The following MCMDC2 variants were observed in gnomAD, a reference collection of about 807,000 sequenced individuals.
The protein encoded by MCMDC2 is minichromosome maintenance domain-containing protein 2.
In MCMDC2, 54 loss-of-function variants were observed where a neutral mutation model predicts 75.8. The ratio of observed to expected loss-of-function variants is 0.71; its 90% CI spans 0.57 to 0.89. The LOEUF (loss-of-function observed/expected upper bound fraction) is 0.89, where lower values mean the gene tolerates loss of function less well. MCMDC2 is among the 40% of genes least tolerant of loss of function. The pLI is 0.00. For synonymous variants in MCMDC2, 249 were observed against 274.6 expected (o/e 0.91, Z 0.92); for missense variants, 656 against 780.4 (o/e 0.84, Z 1.90).
Position 66,919,498 on chromosome 8 carries a change from T to C in MCMDC2, c.*329T>C, listed in dbSNP as rs749684382. ...CAGATAAAAATGTAAATGTTGCAAT[T>C]TGAGCAGTGTGTAAAATGGCAACCT... is the stretch of plus-strand genomic sequence containing the variant. On this transcript the variant is annotated 3_prime_UTR_variant, in exon 15 of 15. Coordinates refer to ENST00000422365, the MANE Select transcript of MCMDC2 (RefSeq NM_173518.5). The C allele has an allele frequency of 2.4e-5, 4 of 166,180 alleles. No homozygotes were observed. The highest frequency in any genetic ancestry group is 5.2e-5 in the Non-Finnish European group (4 of 77,506). 10.3% of individuals were successfully genotyped at this position (166,180 alleles called of 1,614,324 possible).
chr8:66,872,793 A>C (rs1369048324), intron 1 of MCMDC2, among the ~76,000 whole-genome samples: 5 of 152,034 alleles, frequency 3.3e-5, no homozygotes, highest in Admixed American at 6.6e-5. Flanking sequence ...CTCCGTCTCT[A>C]CTAAAAATAC....
chr8:66,884,637 T>A (rs1227262484), intron 9 of MCMDC2: 1 of 152,026 alleles, frequency 6.6e-6, no homozygotes, highest in African/African-American at 2.4e-5. Context: ...ATTGAACAGA[T>A]TATGTTTTGC....
At chr8:66,902,141 C>T (rs1016243088) in intron 13 of MCMDC2, among the ~76,000 whole-genome samples, 2 of 151,760 alleles carry the variant, frequency 1.3e-5, no homozygotes, top group Non-Finnish European at 2.9e-5. Flanking sequence ...ACAGCCTGGG[C>T]AACATAGTGA....
At chr8:66,915,647 A>G (rs1178790259) in intron 14 of MCMDC2, among the ~76,000 whole-genome samples, 1 of 151,590 alleles carries the variant, frequency 6.6e-6, no homozygotes, top group Non-Finnish European at 1.5e-5. Context: ...CTACGGATAT[A>G]TCAATAGAGA....
intron 5 of MCMDC2, among the ~76,000 whole-genome samples, chr8:66,877,768 G>T (rs1379803964): frequency 6.6e-6 from 1 of 151,392 alleles, no homozygotes. Context: ...AAGACACTGA[G>T]TTGGGAGGAT....
chr8:66,882,265 A>T (rs1465551908), intron 8 of MCMDC2, among the ~76,000 whole-genome samples: 1 of 152,256 alleles, frequency 6.6e-6, no homozygotes, highest in Non-Finnish European at 1.5e-5. Context: ...GTGCTCTTGC[A>T]TGAGGAACAA....
intron 4 of MCMDC2, 62 bp downstream of exon 4, chr8:66,874,648 AT>A (rs1811190830): frequency 7.4e-7 from 1 of 1,357,036 alleles, no homozygotes; most frequent in Non-Finnish European, 1.0e-6. Flanking sequence ...TTGTAAAAAA[AT>A]ATTTTTATAT....
chr8:66,875,017 G>A (rs1811211644), intron 4 of MCMDC2, among the ~76,000 whole-genome samples: 1 of 152,128 alleles, frequency 6.6e-6, no homozygotes, highest in Non-Finnish European at 1.5e-5. Flanking sequence ...GCACCCTGAA[G>A]TGCTGGGATT....
chr8:66,881,985 A>G (rs1367966320), intron 8 of MCMDC2, among the ~76,000 whole-genome samples: 1 of 152,236 alleles, frequency 6.6e-6, no homozygotes, highest in Non-Finnish European at 1.5e-5. Flanking sequence ...CCCCAAATGC[A>G]GAAGAACCTG....
At chr8:66,918,882 C>T (rs975978665) in intron 14 of MCMDC2, 121 bp from the exon 15 acceptor site, 78 of 835,880 alleles carry the variant, frequency 9.3e-5, no homozygotes, top group Non-Finnish European at 1.3e-4. Context: ...TTTCACAGAA[C>T]CACATGGGCT....
At chr8:66,890,351 C>T (rs1812044076) in intron 9 of MCMDC2, among the ~76,000 whole-genome samples, 1 of 151,588 alleles carries the variant, frequency 6.6e-6, no homozygotes, top group Non-Finnish European at 1.5e-5. Flanking sequence ...CAGTTGTAAG[C>T]CATTACGCCT....
At chr8:66,914,589 G>A (rs905781614) in intron 14 of MCMDC2, among the ~76,000 whole-genome samples, 1 of 152,196 alleles carries the variant, frequency 6.6e-6, no homozygotes, top group African/African-American at 2.4e-5. Flanking sequence ...AGTAAGACCA[G>A]ACAGACCATG....
intron 13 of MCMDC2, among the ~76,000 whole-genome samples, chr8:66,904,320 C>A (rs968829804): frequency 2.0e-5 from 3 of 151,964 alleles, no homozygotes; most frequent in Non-Finnish European, 4.4e-5. Flanking sequence ...AGAGAAAACA[C>A]GGAGCAATCA....
chr8:66,884,444 C>T (rs894455423), intron 9 of MCMDC2: 1 of 162,046 alleles, frequency 6.2e-6, no homozygotes, highest in African/African-American at 2.4e-5. Flanking sequence ...TGGAGTAAGC[C>T]TCTATTTAGC....
In MCMDC2 at chr8:66,883,939, C is replaced by T; in HGVS notation, c.1018C>T (p.Leu340=). The change falls in exon 9 of 15, where the codon CTG becomes TTG. Residue 340 remains leucine, a synonymous_variant. Coordinates refer to ENST00000422365, the MANE Select transcript of MCMDC2 (RefSeq NM_173518.5). ...LVQTTDRNKE[L]EDCLDILIIT... is the part of the protein sequence containing the mutation. ...ACAGACAACTGACCGTAACAAGGAA[C>T]TGGAAGATTGCCTGGATATTTTAAT... The T allele has an allele frequency of 6.2e-7, 1 of 1,613,994 alleles. No individual in the cohort carries two copies. The highest frequency in any genetic ancestry group is 8.5e-7 in the Non-Finnish European group (1 of 1,179,968).
At chr8:66,922,788 A>G (rs1419390334), downstream of MCMDC2, 1 of 285,252 alleles carries the variant, frequency 3.5e-6, no homozygotes, top group East Asian at 9.2e-5. Flanking sequence ...GGCATCTTAT[A>G]TGTAGGAATG....
chr8:66,920,934 G>C lies in MCMDC2; in HGVS notation c.*1765G>C, dbSNP rs1813503178. ...TCAGTACCTCAGCTTCCCAGTGTTGGGATTACAGGAGTGAGCCACCATGCA... is the reference window on the plus strand; with the variant it reads ...TCAGTACCTCAGCTTCCCAGTGTTGCGATTACAGGAGTGAGCCACCATGCA... On this transcript the variant is annotated 3_prime_UTR_variant, in exon 15 of 15. Transcript: ENST00000422365. The C allele has an allele frequency of 6.6e-6, 1 of 151,924 alleles. No homozygotes were observed. The highest frequency in any genetic ancestry group is 1.5e-5 in the Non-Finnish European group (1 of 67,992). 9.4% of individuals were successfully genotyped at this position (151,924 alleles called of 1,614,324 possible). A position where few individuals can be genotyped will look rare whatever the true frequency, so the allele number is the denominator to read the frequency against.
intron 14 of MCMDC2, among the ~76,000 whole-genome samples, chr8:66,915,200 C>A (rs1394533295): frequency 6.6e-6 from 1 of 151,884 alleles, no homozygotes; most frequent in South Asian, 2.1e-4. Context: ...CGGTGGCTCA[C>A]GCCAGCACTT....
intron 10 of MCMDC2, among the ~76,000 whole-genome samples, chr8:66,891,861 G>A (rs780675035): frequency 5.9e-5 from 9 of 152,226 alleles, no homozygotes; most frequent in Non-Finnish European, 1.3e-4. Context: ...GCTGGCACAG[G>A]TGCTGGCTTC....
Sources: allele counts gnomAD v4.1 joint callset (sites outside exome capture counted in the v4.1 genomes callset), GRCh38; gene constraint gnomAD v4.1.1; transcripts MANE v1.5; gene names NCBI Gene and HGNC (gene_info 2026-07-23, HGNC 2026-07-21).